The following AP3B1 variants were observed in gnomAD, a reference collection of about 807,000 sequenced individuals.
AP3B1 encodes AP-3 complex subunit beta-1.
A neutral mutation model predicts 132.5 loss-of-function variants in AP3B1; 61 were observed. The ratio of observed to expected loss-of-function variants is 0.46; its 90% CI spans 0.37 to 0.57. The LOEUF (loss-of-function observed/expected upper bound fraction) is 0.57. Among genes scored for constraint, AP3B1 ranks in the 20% least tolerant of loss-of-function variants. AP3B1 has a pLI of 0.00. For missense variants in AP3B1, 1,120 were observed against 1,289.4 expected (o/e 0.87, Z 2.01); for synonymous variants, 388 against 438.3 (o/e 0.89, Z 1.43).
chr5:78,123,600 C>T (rs371897176), intron 17 of AP3B1, among the ~76,000 whole-genome samples: 4 of 152,310 alleles, frequency 2.6e-5, no homozygotes, highest in Middle Eastern at 6.8e-3. Flanking sequence ...TGAAAAAATG[C>T]TCGTCATCAC....
chr5:78,100,559 G>A (rs1751084535), intron 21 of AP3B1, among the ~76,000 whole-genome samples: 1 of 152,152 alleles, frequency 6.6e-6, no homozygotes, highest in African/African-American at 2.4e-5. Context: ...GGAAGATGGT[G>A]ATGTCCTTTC....
At chr5:78,282,978 G>C (rs1487153609) in intron 1 of AP3B1, among the ~76,000 whole-genome samples, 2 of 151,996 alleles carry the variant, frequency 1.3e-5, no homozygotes, top group African/African-American at 4.8e-5. Context: ...CCCCAGCCTG[G>C]GGCACAGAAA....
At chr5:78,100,309 G>C (rs1316955888) in intron 21 of AP3B1, among the ~76,000 whole-genome samples, 1 of 152,132 alleles carries the variant, frequency 6.6e-6, no homozygotes, top group African/African-American at 2.4e-5. Context: ...CTCACTTCTT[G>C]TTACTCTTCT....
chr5:78,116,500 C>A (rs1018207840), intron 17 of AP3B1, among the ~76,000 whole-genome samples: 3 of 151,220 alleles, frequency 2.0e-5, no homozygotes, highest in African/African-American at 4.9e-5. Flanking sequence ...TTTTGGCCCA[C>A]AGAAGATTTA....
chr5:78,072,967 G>A (rs1030052430), intron 22 of AP3B1, among the ~76,000 whole-genome samples: 2 of 151,952 alleles, frequency 1.3e-5, no homozygotes, highest in African/African-American at 2.4e-5. Flanking sequence ...TGATCTGCCT[G>A]CCTCGGCCTC....
intron 23 of AP3B1, among the ~76,000 whole-genome samples, chr5:78,038,582 C>T (rs1038385974): frequency 1.2e-4 from 18 of 152,220 alleles, no homozygotes; most frequent in African/African-American, 3.4e-4. Context: ...AGTCTTCACT[C>T]CCTTCACTTT....
chr5:78,015,577 A>G, intron 25 of AP3B1, 29 bp from the exon 26 acceptor site: 6 of 1,610,526 alleles, frequency 3.7e-6, no homozygotes, highest in Non-Finnish European at 5.1e-6. Flanking sequence ...GCTCCCTTTT[A>G]TTAATTTCTT....
chr5:78,177,249 T>C lies in AP3B1; in HGVS notation c.1040+90A>G. ...CGATTGATTAAAATATAGTCAGAGTTATATATTAAATGCCTGAAAGATTAC... is the reference window on the plus strand; with the variant it reads ...CGATTGATTAAAATATAGTCAGAGTCATATATTAAATGCCTGAAAGATTAC... On this transcript the variant is annotated intron_variant, in intron 9 of 26. Transcript: ENST00000255194. 3 of 838,368 alleles carry C rather than the reference T, an allele frequency of 3.6e-6. No homozygotes were observed. In the South Asian group the frequency reaches 4.5e-5, roughly 12 times the overall value. The allele number at this position is 838,368 out of a possible 1,614,324, so 51.9% of individuals were successfully genotyped here.
Position 78,070,749 on chromosome 5 carries a change from A to C in AP3B1, c.2577+18644T>G, listed in dbSNP as rs558626496. On this transcript the variant is annotated intron_variant, in intron 22 of 26. Coordinates refer to ENST00000255194, the MANE Select transcript of AP3B1 (RefSeq NM_003664.5). Reference sequence around the variant, plus strand: ...AAAAAAAAAACATTAAAAAGTGGGCAAAGGACATGAACAGACACTTCTCAA... The same window carrying C: ...AAAAAAAAAACATTAAAAAGTGGGCCAAGGACATGAACAGACACTTCTCAA... Among the ~76,000 whole-genome samples, 5 of 152,244 alleles carry C rather than the reference A, an allele frequency of 3.3e-5. No individual in the cohort carries two copies. In the South Asian group the frequency reaches 1.0e-3, roughly 32 times the overall value.
intron 11 of AP3B1, among the ~76,000 whole-genome samples, chr5:78,166,916 C>A (rs1199717438): frequency 6.6e-6 from 1 of 152,118 alleles, no homozygotes; most frequent in Admixed American, 6.5e-5. Context: ...ATCGGAAAAA[C>A]CCTTCTAGAC....
At chr5:78,173,071 T>G (rs1743991638) in intron 11 of AP3B1, among the ~76,000 whole-genome samples, 1 of 152,244 alleles carries the variant, frequency 6.6e-6, no homozygotes, top group African/African-American at 2.4e-5. Context: ...TTGTGCAGTT[T>G]TGAGTGAGTT....
intron 19 of AP3B1, among the ~76,000 whole-genome samples, chr5:78,111,336 TTGAC>T (rs1259089289): frequency 6.6e-6 from 1 of 152,194 alleles, no homozygotes; most frequent in African/African-American, 2.4e-5. Flanking sequence ...TTATTAATTA[TTGAC>T]TACATGTTGG....
At chr5:78,109,125 A>C (rs79778389) in intron 20 of AP3B1, among the ~76,000 whole-genome samples, 5,349 of 152,196 alleles carry the variant, frequency 0.035, 194 homozygotes, top group East Asian at 0.14. Context: ...TAAACCATAA[A>C]ATCTCTTAAG....
At chr5:78,147,229 AT>A (rs1753444563) in intron 14 of AP3B1, among the ~76,000 whole-genome samples, 1 of 152,002 alleles carries the variant, frequency 6.6e-6, no homozygotes, top group Admixed American at 6.6e-5. Context: ...TTCTTTACAA[AT>A]TACCCTTTTT....
At position 78,002,604 on chromosome 5, in the gene AP3B1, A is replaced by G. The variant is rs1746231288; in HGVS notation, c.*298T>C. On this transcript the variant is annotated 3_prime_UTR_variant, in exon 27 of 27. Transcript: ENST00000255194. ...TTCATGTCTACCATTGTCGAAAAAG[A>G]GAAGGAAAACGAGGAGGCCAAAAGA... is the stretch of plus-strand genomic sequence containing the variant. 1 of 575,036 alleles carries G rather than the reference A, an allele frequency of 1.7e-6. No homozygotes were observed. The highest frequency in any genetic ancestry group is 1.9e-5 in the African/African-American group (1 of 53,514). 35.6% of individuals were successfully genotyped at this position (575,036 alleles called of 1,614,324 possible). A position where few individuals can be genotyped will look rare whatever the true frequency, so the allele number is the denominator to read the frequency against.
intron 22 of AP3B1, among the ~76,000 whole-genome samples, chr5:78,080,612 G>C (rs1749954344): frequency 7.2e-6 from 1 of 138,142 alleles, no homozygotes; most frequent in Admixed American, 7.5e-5. Flanking sequence ...TACCCACTGG[G>C]TATGCCTCCA....
Position 78,028,004 on chromosome 5 carries a change from T to A in AP3B1, c.2894+6357A>T, listed in dbSNP as rs1461268760. On this transcript the variant is annotated intron_variant, in intron 24 of 26. Coordinates refer to ENST00000255194, the MANE Select transcript of AP3B1 (RefSeq NM_003664.5). ...AGCTGGGCCTGGTGGCGCGTGCCTG[T>A]AATCCAAGCTACTTGGGAAGCTAAG... Among the ~76,000 whole-genome samples the A allele has an allele frequency of 2.0e-5, 3 of 151,952 alleles. No homozygotes were observed. The East Asian group carries it at 5.8e-4, about 29-fold the overall frequency.
At chr5:78,291,384 A>T (rs1311795694) in intron 1 of AP3B1, among the ~76,000 whole-genome samples, 1 of 143,502 alleles carries the variant, frequency 7.0e-6, no homozygotes, top group Non-Finnish European at 1.5e-5. Context: ...AGAGCAAGAC[A>T]TCTGCATGGT....
intron 22 of AP3B1, among the ~76,000 whole-genome samples, chr5:78,051,169 A>AT (rs1490354281): frequency 6.6e-6 from 1 of 152,186 alleles, no homozygotes; most frequent in Admixed American, 6.5e-5. Context: ...GAGAGTGCAC[A>AT]TAACTGTCTA....
Sources: allele counts gnomAD v4.1 joint callset (sites outside exome capture counted in the v4.1 genomes callset), GRCh38; gene constraint gnomAD v4.1.1; transcripts MANE v1.5; gene names NCBI Gene and HGNC (gene_info 2026-07-23, HGNC 2026-07-21).